Variants in RERG observed in about 807,000 individuals in gnomAD.
RERG encodes RAS like estrogen regulated growth inhibitor.
RERG carries 25 observed loss-of-function variants against 23.2 expected under a neutral mutation model. The ratio of observed to expected loss-of-function variants is 1.08; its 90% CI spans 0.79 to 1.50. RERG has a LOEUF of 1.50. RERG is among the 40% of genes most tolerant of loss of function. The pLI is 0.00. For synonymous variants in RERG, 81 were observed against 89.1 expected, an observed-to-expected ratio of 0.91 and a Z score of 0.51; for missense variants, 253 against 250.1, an observed-to-expected ratio of 1.01 and a Z score of -0.08.
intron 2 of RERG, among the ~76,000 whole-genome samples, chr12:15,212,507 T>C (rs1865382553): frequency 1.3e-5 from 2 of 152,176 alleles, no homozygotes. Flanking sequence ...ACATGCAAAA[T>C]ACTTACATGA....
intron 3 of RERG, among the ~76,000 whole-genome samples, chr12:15,111,667 T>C (rs915748109): frequency 1.3e-5 from 2 of 149,980 alleles, no homozygotes; most frequent in African/African-American, 4.9e-5. Flanking sequence ...TCTTTGCATC[T>C]TTGCTACCCT....
intron 1 of RERG, among the ~76,000 whole-genome samples, chr12:15,219,345 T>A (rs182856547): frequency 1.3e-5 from 2 of 152,354 alleles, no homozygotes; most frequent in Non-Finnish European, 2.9e-5. Context: ...GCTATCATCC[T>A]GTACCTAATA....
intron 2 of RERG, among the ~76,000 whole-genome samples, chr12:15,186,646 A>G (rs1369824861): frequency 2.0e-5 from 3 of 152,114 alleles, no homozygotes; most frequent in Non-Finnish European, 2.9e-5. Context: ...AGAAGAAGGA[A>G]TCAAACAAAG....
intron 2 of RERG, among the ~76,000 whole-genome samples, chr12:15,160,903 G>A (rs1244631604): frequency 4.0e-5 from 6 of 151,786 alleles, no homozygotes; most frequent in Admixed American, 1.3e-4. Flanking sequence ...TCGGGAGGCC[G>A]AGGCAGGCAG....
At chr12:15,165,807 C>T (rs1411433115) in intron 2 of RERG, among the ~76,000 whole-genome samples, 4 of 152,264 alleles carry the variant, frequency 2.6e-5, no homozygotes, top group South Asian at 2.1e-4. Flanking sequence ...GATCAACTAA[C>T]GGCCTCACTC....
At chr12:15,205,933 G>C (rs117686565) in intron 2 of RERG, among the ~76,000 whole-genome samples, 19 of 152,114 alleles carry the variant, frequency 1.2e-4, no homozygotes, top group Non-Finnish European at 2.5e-4. Flanking sequence ...AAAGAAAAAC[G>C]ATCTGACTTT....
chr12:15,154,916 T>C (rs1386347487), intron 2 of RERG, among the ~76,000 whole-genome samples: 1 of 152,206 alleles, frequency 6.6e-6, no homozygotes, highest in Non-Finnish European at 1.5e-5. Flanking sequence ...ATTGTAGTAT[T>C]ATATATTTTC....
intron 2 of RERG, among the ~76,000 whole-genome samples, chr12:15,131,783 A>G (rs539100692): frequency 6.6e-6 from 1 of 152,174 alleles, no homozygotes; most frequent in Admixed American, 6.5e-5. Context: ...GGACACATAC[A>G]GTTCATTTGC....
intron 2 of RERG, among the ~76,000 whole-genome samples, chr12:15,166,240 G>T (rs1864685565): frequency 6.6e-6 from 1 of 152,168 alleles, no homozygotes. Flanking sequence ...TAAGCCCAGG[G>T]TTTCTTCTAG....
intron 2 of RERG, among the ~76,000 whole-genome samples, chr12:15,143,615 G>A (rs1864278773): frequency 6.6e-6 from 1 of 152,166 alleles, no homozygotes; most frequent in African/African-American, 2.4e-5. Context: ...CAGCTACAAT[G>A]TGGCAGGCTC....
intron 2 of RERG, among the ~76,000 whole-genome samples, chr12:15,136,458 T>C (rs1304394): frequency 0.21 from 32,103 of 151,934 alleles, 3,474 homozygotes; most frequent in Admixed American, 0.26. Flanking sequence ...CACTCTTCTA[T>C]TTCTAGTTTC....
At chr12:15,154,779 G>A (rs767946470) in intron 2 of RERG, among the ~76,000 whole-genome samples, 40 of 152,252 alleles carry the variant, frequency 2.6e-4, no homozygotes, top group Non-Finnish European at 5.0e-4. Flanking sequence ...ATTTAGGTGA[G>A]ACAGCAACTT....
At chr12:15,130,333 T>C (rs1864024340) in intron 2 of RERG, among the ~76,000 whole-genome samples, 1 of 152,188 alleles carries the variant, frequency 6.6e-6, no homozygotes, top group South Asian at 2.1e-4. Context: ...AGGACTTAAC[T>C]TATAATTCTA....
intron 2 of RERG, among the ~76,000 whole-genome samples, chr12:15,165,933 G>A (rs1001698082): frequency 2.6e-5 from 4 of 152,166 alleles, no homozygotes; most frequent in Non-Finnish European, 4.4e-5. Flanking sequence ...TTGGCTCCAT[G>A]ACTGTAAGCT....
Position 15,109,374 on chromosome 12 carries a change from A to G in RERG, c.336T>C (p.Thr112=). 1 of 1,614,058 alleles carries G rather than the reference A, an allele frequency of 6.2e-7. No homozygotes were observed. The highest frequency in any genetic ancestry group is 1.1e-5 in the South Asian group (1 of 91,086). Reference sequence around the variant, plus strand: ...CAGCTTTGTTTCCAACCAAGATGAGAGTCACATTCTTGGGCTTTTTGATCT... The same window carrying G: ...CAGCTTTGTTTCCAACCAAGATGAGGGTCACATTCTTGGGCTTTTTGATCT... ...LDEIKKPKNV[T]LILVGNKADL... The change falls in exon 5 of 5, where the codon ACT becomes ACC. Residue 112 remains threonine (T), a synonymous_variant. Transcript: ENST00000256953.
chr12:15,159,342 T>A (rs1864570235), intron 2 of RERG, among the ~76,000 whole-genome samples: 1 of 152,236 alleles, frequency 6.6e-6, no homozygotes, highest in Admixed American at 6.5e-5. Context: ...CATAATTTGC[T>A]GCCTTACTAG....
Position 15,212,693 on chromosome 12 carries a change from T to C in RERG, c.61+4736A>G, listed in dbSNP as rs189488407. ...TTCTAAAACACAAAATGTAGTTCTA[T>C]AGCATAAGAAAACTGACCTACCCAA... On this transcript the variant is annotated intron_variant, in intron 2 of 4. Transcript: ENST00000256953. 3.1e-3 allele frequency among the ~76,000 whole-genome samples: 472 copies of C among 152,294 alleles called. 3 individuals are homozygous for C. Among genetic ancestry groups the C allele is most frequent in the African/African-American group, 0.011 (441 of 41,566 alleles).
At chr12:15,128,062 T>A (rs990773613) in intron 2 of RERG, among the ~76,000 whole-genome samples, 37 of 152,224 alleles carry the variant, frequency 2.4e-4, no homozygotes, top group Non-Finnish European at 1.0e-4. Flanking sequence ...ACTTTTCCAC[T>A]GTATTTTAAT....
chr12:15,216,486 G>A (rs1235231398), intron 2 of RERG, among the ~76,000 whole-genome samples: 1 of 152,196 alleles, frequency 6.6e-6, no homozygotes, highest in Non-Finnish European at 1.5e-5. Flanking sequence ...ATGTGTATTT[G>A]TCTAAGATTT....
Sources: gnomAD v4.1 joint callset for allele counts (sites outside exome capture counted in the v4.1 genomes callset) on GRCh38, gnomAD v4.1.1 for gene constraint, MANE v1.5 for transcripts, NCBI Gene and HGNC (gene_info 2026-07-23, HGNC 2026-07-21) for gene names.